The following C1orf87 variants were observed in gnomAD, a reference collection of about 807,000 sequenced individuals.
C1orf87 encodes chromosome 1 open reading frame 87.
A neutral mutation model predicts 60.5 loss-of-function variants in C1orf87; 58 were observed. The ratio of observed to expected loss-of-function variants is 0.96; its 90% CI spans 0.78 to 1.19. C1orf87 has a LOEUF of 1.19. Ranked by LOEUF, C1orf87 falls within the 50% of genes most tolerant of loss-of-function variation. The pLI, the probability that C1orf87 is intolerant of heterozygous loss-of-function variation, is 0.00. For missense variants in C1orf87, 673 were observed against 638.6 expected, an observed-to-expected ratio of 1.05 and a Z score of -0.58; for synonymous variants, 236 against 227.4, an observed-to-expected ratio of 1.04 and a Z score of -0.34.
intron 3 of C1orf87, among the ~76,000 whole-genome samples, chr1:60,044,332 A>G (rs1645350681): frequency 6.6e-6 from 1 of 152,210 alleles, no homozygotes; most frequent in African/African-American, 2.4e-5. Flanking sequence ...GCCCAGCCAC[A>G]GACTAAGTTT....
At chr1:60,008,718 G>A (rs1186537611) in intron 9 of C1orf87, 1 of 455,974 alleles carries the variant, frequency 2.2e-6, no homozygotes, top group East Asian at 7.0e-5. Flanking sequence ...GAAACCTCAG[G>A]TCAGATGAAC....
chr1:60,065,664 T>A (rs899937259), intron 2 of C1orf87, among the ~76,000 whole-genome samples: 1 of 152,106 alleles, frequency 6.6e-6, no homozygotes, highest in Non-Finnish European at 1.5e-5. Context: ...GTTGATGGAA[T>A]TCCATATATA....
At position 60,061,082 on chromosome 1, in the gene C1orf87, G is replaced by C. The variant is rs574705049; in HGVS notation, c.108-5644C>G. On this transcript the variant is annotated intron_variant, in intron 2 of 11. Transcript: ENST00000371201. ...GAGAGGATGCAGCATAAACAGTTCT[G>C]TCTCTGCATCACGTCTGGATGCATC... Among the ~76,000 whole-genome samples, 3 of 152,266 alleles carry C rather than the reference G, an allele frequency of 2.0e-5. 1 individual carries two copies. In the Middle Eastern group the frequency reaches 0.01, roughly 518 times the overall value.
chr1:60,051,458 G>A (rs1645413815), intron 3 of C1orf87, among the ~76,000 whole-genome samples: 1 of 152,168 alleles, frequency 6.6e-6, no homozygotes, highest in Non-Finnish European at 1.5e-5. Context: ...CCATCAGTAT[G>A]AGAAGGACAT....
At chr1:60,028,444 G>A (rs770957599) in intron 7 of C1orf87, among the ~76,000 whole-genome samples, 4 of 152,042 alleles carry the variant, frequency 2.6e-5, no homozygotes, top group Non-Finnish European at 4.4e-5. Flanking sequence ...CGTTATTCAC[G>A]ATTATTATTA....
chr1:60,024,402 A>G (rs1384966138), intron 8 of C1orf87, among the ~76,000 whole-genome samples: 1 of 152,182 alleles, frequency 6.6e-6, no homozygotes, highest in Non-Finnish European at 1.5e-5. Context: ...ATGTGTTACG[A>G]GGTCTGCCTC....
At chr1:59,995,330 C>A (rs1557453509) in intron 11 of C1orf87, among the ~76,000 whole-genome samples, 1 of 152,144 alleles carries the variant, frequency 6.6e-6, no homozygotes, top group Non-Finnish European at 1.5e-5. Flanking sequence ...TTTCAATAAT[C>A]TTTTCATCTC....
chr1:60,035,873 T>C (rs930381270), intron 6 of C1orf87, among the ~76,000 whole-genome samples: 3 of 152,080 alleles, frequency 2.0e-5, no homozygotes, highest in African/African-American at 7.2e-5. Context: ...TAACAGAAAA[T>C]GCCATAACCG....
intron 11 of C1orf87, among the ~76,000 whole-genome samples, chr1:59,993,355 GTA>G (rs1557452529): frequency 6.6e-6 from 1 of 152,090 alleles, no homozygotes; most frequent in Non-Finnish European, 1.5e-5. Context: ...AGTTCACACA[GTA>G]TCCAGTACTA....
chr1:60,038,000 A>G lies in C1orf87; in HGVS notation c.855T>C (p.His285=). ...DLRKTESHGT[H]SQSTPPQHSS... ...AAAAGGGAGAAGAGTACCTTTGGCT[A>G]TGAGTGCCATGACTCTCAGTTTTTC... Residue 285 remains histidine, a synonymous_variant, in exon 6 of 12, where the codon CAT becomes CAC. Coordinates refer to ENST00000371201, the MANE Select transcript of C1orf87 (RefSeq NM_152377.3). 1 of 1,605,766 alleles carries G rather than the reference A, an allele frequency of 6.2e-7. No individual in the cohort carries two copies. Among genetic ancestry groups the G allele is most frequent in the Non-Finnish European group, 8.5e-7 (1 of 1,173,478 alleles).
At chr1:59,994,224 G>A (rs984614599) in intron 11 of C1orf87, among the ~76,000 whole-genome samples, 3 of 151,626 alleles carry the variant, frequency 2.0e-5, no homozygotes, top group African/African-American at 4.9e-5. Flanking sequence ...TGGCTTTTAC[G>A]GATCAACAAT....
At chr1:60,033,390 G>T in intron 7 of C1orf87, 86 bp downstream of exon 7, 2 of 1,274,258 alleles carry the variant, frequency 1.6e-6, no homozygotes, top group African/African-American at 1.5e-5. Flanking sequence ...GCAGAATATG[G>T]ATCAGCCCTG....
At chr1:60,046,929 T>C (rs963620971) in intron 3 of C1orf87, among the ~76,000 whole-genome samples, 3 of 152,224 alleles carry the variant, frequency 2.0e-5, no homozygotes, top group Non-Finnish European at 4.4e-5. Context: ...TAAAGTCTTA[T>C]TCATGTTCAA....
intron 8 of C1orf87, among the ~76,000 whole-genome samples, chr1:60,024,821 CTATTT>C (rs1645187935): frequency 6.6e-6 from 1 of 152,126 alleles, no homozygotes; most frequent in Admixed American, 6.6e-5. Flanking sequence ...ATATTTTGTC[CTATTT>C]TTAGTTGCTT....
At chr1:60,017,178 G>A (rs1364613529) in intron 8 of C1orf87, among the ~76,000 whole-genome samples, 1 of 152,156 alleles carries the variant, frequency 6.6e-6, no homozygotes, top group Non-Finnish European at 1.5e-5. Context: ...TATTTATAAA[G>A]CACTTATTAT....
intron 2 of C1orf87, among the ~76,000 whole-genome samples, chr1:60,064,981 ATTATAAAATAC>A (rs1645532079): frequency 8.7e-6 from 1 of 115,088 alleles, no homozygotes; most frequent in Non-Finnish European, 1.7e-5. Context: ...ATAAATATTT[ATTATAAAATAC>A]ATATAAATAT....
Position 59,990,836 on chromosome 1 carries a change from G to A in C1orf87, c.1481-3C>T, listed in dbSNP as rs765033576. The A allele has an allele frequency of 3.1e-6, 5 of 1,613,688 alleles. No individual in the cohort carries two copies. The highest frequency in any genetic ancestry group is 2.2e-5 in the East Asian group (1 of 44,896). On this transcript the variant is annotated splice_polypyrimidine_tract_variant and splice_region_variant and intron_variant, in intron 11 of 11. Coordinates refer to ENST00000371201, the MANE Select transcript of C1orf87 (RefSeq NM_152377.3). ...GGCTCGTTCCTTCTCCAGAACTCCT[G>A]TGATTGGATTGGGTAGGAGGAAGGT...
chr1:60,065,296 A>G (rs554208410), intron 2 of C1orf87, among the ~76,000 whole-genome samples: 1 of 151,662 alleles, frequency 6.6e-6, no homozygotes, highest in Non-Finnish European at 1.5e-5. Flanking sequence ...AGGGAAGAAG[A>G]TACTATTAGC....
intron 10 of C1orf87, 72 bp downstream of exon 10, chr1:60,001,005 A>G: frequency 1.6e-6 from 2 of 1,248,606 alleles, no homozygotes; most frequent in South Asian, 2.5e-5. Context: ...AGAGAGCCCC[A>G]TCCAGCATCA....
Sources: allele counts gnomAD v4.1 joint callset (sites outside exome capture counted in the v4.1 genomes callset), GRCh38; gene constraint gnomAD v4.1.1; transcripts MANE v1.5; gene names NCBI Gene and HGNC (gene_info 2026-07-23, HGNC 2026-07-21).